Variants in USP47 observed in about 807,000 individuals in gnomAD.
USP47 encodes the protein ubiquitin carboxyl-terminal hydrolase 47.
Under a neutral mutation model 165.1 loss-of-function variants are expected in USP47, and 35 were observed. The observed-to-expected ratio is 0.21, with a 90% CI of 0.16 to 0.28. The LOEUF (loss-of-function observed/expected upper bound fraction) is 0.28. Among genes scored for constraint, USP47 ranks in the 10% least tolerant of loss-of-function variants. The probability of loss-of-function intolerance (pLI) is 1.00; values close to 1 mark genes in which losing one functional copy is unlikely to be tolerated. For synonymous variants in USP47, 531 were observed against 544.5 expected (o/e 0.98, Z 0.35); for missense variants, 1,277 against 1,607.4 (o/e 0.79, Z 3.52).
chr11:11,896,119 A>G (rs1473595043), intron 4 of USP47, among the ~76,000 whole-genome samples: 1 of 152,220 alleles, frequency 6.6e-6, no homozygotes, highest in Non-Finnish European at 1.5e-5. Flanking sequence ...CTGTTTAAAT[A>G]TGGTGCCAAA....
chr11:11,954,776 A>AT (rs1856457482), intron 25 of USP47, 121 bp from the exon 26 acceptor site: 2 of 1,185,910 alleles, frequency 1.7e-6, no homozygotes, highest in Non-Finnish European at 1.2e-6. Flanking sequence ...CTTTTTCTTA[A>AT]TTTTTTTACA....
chr11:11,933,113 C>G lies in USP47; in HGVS notation c.1761C>G (p.Cys587Trp). The G allele has an allele frequency of 6.2e-7, 1 of 1,611,512 alleles. No homozygotes were observed. The highest frequency in any genetic ancestry group is 8.5e-7 in the Non-Finnish European group (1 of 1,178,598). Reference sequence around the variant, plus strand: ...AACGAGAAATTGAGCGCAATACATGCAAGGTTGAATTCCATCATTTTATTT... The same window carrying G: ...AACGAGAAATTGAGCGCAATACATGGAAGGTTGAATTCCATCATTTTATTT... ...KRQREIERNTCKIKLFCLHPT... is the reference protein window; with the variant it reads ...KRQREIERNTWKIKLFCLHPT... Residue 587 changes from cysteine (C) to tryptophan (W), a missense_variant, in exon 15 of 28, where the codon TGC (cysteine) becomes TGG (tryptophan). Physicochemically the swap from Cys to Trp is radical, Grantham distance 215. Coordinates refer to ENST00000527733, the MANE Select transcript of USP47 (RefSeq NM_001282659.2).
At chr11:11,955,935 C>A in intron 27 of USP47, 66 bp from the exon 28 acceptor site, 2 of 1,269,534 alleles carry the variant, frequency 1.6e-6, no homozygotes, top group South Asian at 1.6e-5. Context: ...TCATAGCATT[C>A]AAGCATACAT....
chr11:11,931,040 A>G (rs957745678), intron 14 of USP47, among the ~76,000 whole-genome samples: 1 of 152,112 alleles, frequency 6.6e-6, no homozygotes, highest in African/African-American at 2.4e-5. Context: ...GGACGATAAC[A>G]TTTTTGGAAT....
chr11:11,876,283 C>G (rs1850412519), intron 1 of USP47, among the ~76,000 whole-genome samples: 1 of 152,100 alleles, frequency 6.6e-6, no homozygotes, highest in African/African-American at 2.4e-5. Flanking sequence ...AATTTTTGCT[C>G]CCTTCCCTAA....
rs956745667 is a variant in USP47 at position 11,942,697 on chromosome 11, C to A, written c.2676C>A (p.Leu892=). ...ACTTTGAAAACATCGAATCACCTCT[C>A]AATGAGAGGGACTCTTCAGCATCAG... ...TSDFENIESP[L]NERDSSASVD... Residue 892 remains leucine (L), a synonymous_variant, in exon 20 of 28, where the codon CTC becomes CTA. Transcript: ENST00000527733. The A allele has an allele frequency of 1.2e-6, 2 of 1,613,558 alleles. No individual in the cohort carries two copies. Among genetic ancestry groups the A allele is most frequent in the Non-Finnish European group, 8.5e-7 (1 of 1,179,782 alleles).
At chr11:11,922,683 C>G (rs1423418623) in intron 10 of USP47, 41 bp from the exon 11 acceptor site, 2 of 1,508,176 alleles carry the variant, frequency 1.3e-6, no homozygotes, top group South Asian at 2.7e-5. Context: ...CATATTTTCT[C>G]TGTATATGGT....
intron 2 of USP47, among the ~76,000 whole-genome samples, chr11:11,882,751 T>C (rs1315854008): frequency 2.0e-5 from 3 of 152,196 alleles, no homozygotes; most frequent in African/African-American, 4.8e-5. Flanking sequence ...CTTTTTGTTA[T>C]AGGTGTTACT....
intron 1 of USP47, among the ~76,000 whole-genome samples, chr11:11,866,398 A>G (rs1053734890): frequency 6.6e-6 from 1 of 152,202 alleles, no homozygotes; most frequent in African/African-American, 2.4e-5. Context: ...TTCATATCAG[A>G]TAAGCAAAGT....
intron 2 of USP47, among the ~76,000 whole-genome samples, chr11:11,882,630 A>G (rs1850905356): frequency 6.6e-6 from 1 of 152,058 alleles, no homozygotes; most frequent in Non-Finnish European, 1.5e-5. Flanking sequence ...ATGATATATA[A>G]TATCATCTTT....
chr11:11,866,932 C>T (rs1037341023), intron 1 of USP47, among the ~76,000 whole-genome samples: 4 of 151,746 alleles, frequency 2.6e-5, no homozygotes, highest in Non-Finnish European at 5.9e-5. Context: ...AAGTTTCACT[C>T]TGTTGCCCAG....
intron 7 of USP47, among the ~76,000 whole-genome samples, chr11:11,903,677 A>C (rs1852367948): frequency 6.6e-6 from 1 of 152,144 alleles, no homozygotes; most frequent in South Asian, 2.1e-4. Context: ...ATAATTAGGT[A>C]AATTATATGT....
At chr11:11,842,848 T>C (rs1848214302) in intron 1 of USP47, among the ~76,000 whole-genome samples, 1 of 151,532 alleles carries the variant, frequency 6.6e-6, no homozygotes, top group African/African-American at 2.4e-5. Flanking sequence ...TCTTTTTTTT[T>C]TTTTTTTTTT....
At chr11:11,896,260 G>A (rs1320820343) in intron 4 of USP47, among the ~76,000 whole-genome samples, 1 of 152,074 alleles carries the variant, frequency 6.6e-6, no homozygotes, top group Non-Finnish European at 1.5e-5. Flanking sequence ...ATTTTTTTAA[G>A]CCCAGTAAAG....
At chr11:11,918,764 G>C (rs921014426) in intron 8 of USP47, among the ~76,000 whole-genome samples, 7 of 151,862 alleles carry the variant, frequency 4.6e-5, no homozygotes, top group Non-Finnish European at 1.0e-4. Flanking sequence ...AGTAGAATTT[G>C]AGTTACATAA....
chr11:11,860,942 A>G (rs1185180457), intron 1 of USP47, among the ~76,000 whole-genome samples: 2 of 152,196 alleles, frequency 1.3e-5, no homozygotes, highest in Non-Finnish European at 2.9e-5. Context: ...TGTCAGCATT[A>G]TACAGTCATC....
At chr11:11,938,723 G>A (rs1320524523) in intron 18 of USP47, among the ~76,000 whole-genome samples, 1 of 151,962 alleles carries the variant, frequency 6.6e-6, no homozygotes, top group Non-Finnish European at 1.5e-5. Context: ...TCATTTTTAA[G>A]TGCGGCAATG....
At chr11:11,871,629 T>G (rs76277953) in intron 1 of USP47, among the ~76,000 whole-genome samples, 3 of 150,970 alleles carry the variant, frequency 2.0e-5, no homozygotes, top group Non-Finnish European at 1.5e-5. Flanking sequence ...TACACACATA[T>G]GCTGATGAGA....
intron 1 of USP47, among the ~76,000 whole-genome samples, chr11:11,863,042 G>A (rs1404416730): frequency 6.6e-6 from 1 of 152,150 alleles, no homozygotes; most frequent in Non-Finnish European, 1.5e-5. Flanking sequence ...ATACTAGTGG[G>A]AATGGAGTTG....
Sources: gnomAD v4.1 joint callset for allele counts (sites outside exome capture counted in the v4.1 genomes callset) on GRCh38, gnomAD v4.1.1 for gene constraint, MANE v1.5 for transcripts, NCBI Gene and HGNC (gene_info 2026-07-23, HGNC 2026-07-21) for gene names.